The following STK32B variants were observed in gnomAD, a reference collection of about 807,000 sequenced individuals.
STK32B encodes the protein serine/threonine-protein kinase 32B.
Under a neutral mutation model 52.6 loss-of-function variants are expected in STK32B, and 43 were observed. The ratio of observed to expected loss-of-function variants is 0.82; its 90% CI spans 0.64 to 1.05. The LOEUF is 1.05. STK32B is among the 50% of genes least tolerant of loss of function. The pLI is 0.00. For synonymous variants in STK32B, 238 were observed against 204.3 expected, an observed-to-expected ratio of 1.17 and a Z score of -1.41; for missense variants, 621 against 534.6, an observed-to-expected ratio of 1.16 and a Z score of -1.59.
At chr4:5,218,300 C>T (rs774430698) in intron 3 of STK32B, among the ~76,000 whole-genome samples, 4 of 152,126 alleles carry the variant, frequency 2.6e-5, no homozygotes, top group Non-Finnish European at 4.4e-5. Flanking sequence ...ATCACTCTGA[C>T]TGTTATGTGG....
chr4:5,425,964 G>A (rs4017782), intron 6 of STK32B, among the ~76,000 whole-genome samples: 24,650 of 152,160 alleles, frequency 0.16, 2,784 homozygotes, highest in East Asian at 0.41. Context: ...GTCCCTTCCT[G>A]TTGCTGGATA....
rs1244993998 is a variant in STK32B, at chr4:5,454,890, A to G, written c.667-1917A>G. 2.0e-5 allele frequency among the ~76,000 whole-genome samples: 3 copies of G among 152,212 alleles called. No individual in the cohort carries two copies. The East Asian group carries it at 5.8e-4, about 29-fold the overall frequency. ...AATGATGGGCAGAAAATGCTCGTTC[A>G]TGGAAGTAACTTTCCCATTAGATTA... On this transcript the variant is annotated intron_variant, in intron 7 of 11. Transcript: ENST00000282908.
chr4:5,112,729 G>A (rs1052701253), intron 1 of STK32B, among the ~76,000 whole-genome samples: 9 of 152,274 alleles, frequency 5.9e-5, no homozygotes, highest in South Asian at 4.1e-4. Context: ...GTACAAGAAA[G>A]CTTCTCTGTG....
At chr4:5,227,460 G>A (rs939160290) in intron 3 of STK32B, among the ~76,000 whole-genome samples, 8 of 151,980 alleles carry the variant, frequency 5.3e-5, no homozygotes, top group Admixed American at 2.0e-4. Flanking sequence ...GAACTCATTC[G>A]GAAAATCTTT....
chr4:5,485,430 C>A (rs539035272), intron 11 of STK32B, among the ~76,000 whole-genome samples: 1 of 152,244 alleles, frequency 6.6e-6, no homozygotes, highest in African/African-American at 2.4e-5. Flanking sequence ...CCATGGTTTT[C>A]AGCTCTATCA....
intron 3 of STK32B, among the ~76,000 whole-genome samples, chr4:5,240,602 G>A (rs942442674): frequency 2.6e-5 from 4 of 152,086 alleles, no homozygotes; most frequent in African/African-American, 9.7e-5. Context: ...TGAGACTACA[G>A]GCATGTACCA....
At chr4:5,218,846 C>T (rs1425397588) in intron 3 of STK32B, among the ~76,000 whole-genome samples, 2 of 152,358 alleles carry the variant, frequency 1.3e-5, no homozygotes, top group South Asian at 2.1e-4. Context: ...GCTTCTGGCT[C>T]TCCCGGCCGG....
At chr4:5,127,506 G>A (rs1715477889) in intron 1 of STK32B, among the ~76,000 whole-genome samples, 1 of 152,076 alleles carries the variant, frequency 6.6e-6, no homozygotes, top group African/African-American at 2.4e-5. Context: ...GCTGTTTTGG[G>A]TGAGCAATTC....
At chr4:5,252,590 C>G (rs1202696212) in intron 3 of STK32B, among the ~76,000 whole-genome samples, 1 of 152,116 alleles carries the variant, frequency 6.6e-6, no homozygotes, top group Non-Finnish European at 1.5e-5. Context: ...TTCAGCCTGT[C>G]CACTCTATTA....
intron 3 of STK32B, among the ~76,000 whole-genome samples, chr4:5,284,566 C>T (rs577210141): frequency 1.7e-4 from 26 of 152,084 alleles, no homozygotes; most frequent in Admixed American, 9.2e-4. Flanking sequence ...CCTTACAGAC[C>T]GTACACGGGG....
chr4:5,140,587 G>A (rs1716363718), intron 2 of STK32B, among the ~76,000 whole-genome samples: 1 of 152,182 alleles, frequency 6.6e-6, no homozygotes, highest in African/African-American at 2.4e-5. Context: ...GAAAGATGGA[G>A]CAGGTTACCC....
At chr4:5,497,985 C>T (rs1175215128) in intron 11 of STK32B, among the ~76,000 whole-genome samples, 2 of 152,114 alleles carry the variant, frequency 1.3e-5, no homozygotes, top group Non-Finnish European at 2.9e-5. Flanking sequence ...CAGCCCTATA[C>T]TAGATATTTT....
intron 5 of STK32B, among the ~76,000 whole-genome samples, chr4:5,402,487 C>T (rs16837146): frequency 0.037 from 5,703 of 152,322 alleles, 395 homozygotes; most frequent in African/African-American, 0.13. Context: ...ATGTAGTCTT[C>T]GTCCTCTTTG....
intron 6 of STK32B, among the ~76,000 whole-genome samples, chr4:5,441,418 G>A (rs1714740287): frequency 6.7e-6 from 1 of 150,008 alleles, no homozygotes; most frequent in African/African-American, 2.4e-5. Flanking sequence ...ATTCTCTGAT[G>A]GTAGTTTGTA....
chr4:5,437,501 G>A (rs936387818), intron 6 of STK32B, among the ~76,000 whole-genome samples: 1 of 152,172 alleles, frequency 6.6e-6, no homozygotes, highest in African/African-American at 2.4e-5. Flanking sequence ...TCAGTTGTTG[G>A]ATTTAGGGCC....
At chr4:5,206,811 A>G (rs1198655135) in intron 3 of STK32B, among the ~76,000 whole-genome samples, 1 of 152,158 alleles carries the variant, frequency 6.6e-6, no homozygotes, top group Non-Finnish European at 1.5e-5. Context: ...CTGGGAGAGA[A>G]CAAGTTCAGG....
chr4:5,299,830 A>C (rs995318815), intron 3 of STK32B, among the ~76,000 whole-genome samples: 1 of 152,186 alleles, frequency 6.6e-6, no homozygotes, highest in African/African-American at 2.4e-5. Flanking sequence ...GCCCTGGACC[A>C]GATGGATTAA....
intron 4 of STK32B, among the ~76,000 whole-genome samples, chr4:5,343,399 C>T (rs576660396): frequency 2.3e-4 from 35 of 152,118 alleles, no homozygotes; most frequent in African/African-American, 7.5e-4. Context: ...TGAATAGTGC[C>T]GCAGTAAACA....
chr4:5,484,281 G>T (rs1462801175), intron 11 of STK32B, among the ~76,000 whole-genome samples: 1 of 152,138 alleles, frequency 6.6e-6, no homozygotes, highest in Non-Finnish European at 1.5e-5. Context: ...CCTGTATTGG[G>T]TGCATATATA....
Sources: gnomAD v4.1 joint callset for allele counts (sites outside exome capture counted in the v4.1 genomes callset) on GRCh38, gnomAD v4.1.1 for gene constraint, MANE v1.5 for transcripts, NCBI Gene and HGNC (gene_info 2026-07-23, HGNC 2026-07-21) for gene names.